Variants in NOTCH2 observed in about 807,000 individuals in gnomAD.
NOTCH2 encodes neurogenic locus notch homolog protein 2.
A neutral mutation model predicts 235.8 loss-of-function variants in NOTCH2; 29 were observed. The ratio of observed to expected loss-of-function variants is 0.12; its 90% CI spans 0.09 to 0.17. The LOEUF (loss-of-function observed/expected upper bound fraction) is 0.17. NOTCH2 is among the 10% of genes least tolerant of loss of function. NOTCH2 has a pLI of 1.00. For synonymous variants in NOTCH2, 1,086 were observed against 1,141.5 expected (o/e 0.95, Z 0.98); for missense variants, 2,285 against 3,150.2 (o/e 0.73, Z 6.57).
intron 19 of NOTCH2, among the ~76,000 whole-genome samples, chr1:119,938,970 G>A (rs373728762): frequency 3.9e-5 from 6 of 152,120 alleles, no homozygotes; most frequent in African/African-American, 7.2e-5. Context: ...GTGAGCCACC[G>A]TGCCCGGCCC....
At chr1:119,919,723 T>G in intron 30 of NOTCH2, 110 bp from the exon 31 acceptor site, 1 of 1,012,388 alleles carries the variant, frequency 9.9e-7, no homozygotes, top group Non-Finnish European at 1.5e-6. Context: ...AAGAATTCCC[T>G]GTACTTCTTG....
Position 119,980,488 on chromosome 1 carries a change from T to G in NOTCH2, c.874+6472A>C, listed in dbSNP as rs587646213. Among the ~76,000 whole-genome samples, 6 of 152,340 alleles carry G rather than the reference T, an allele frequency of 3.9e-5. No homozygotes were observed. The East Asian group carries it at 1.2e-3, about 29-fold the overall frequency. ...CTTTTCAGTTGTGCAAAATCTTACA[T>G]AGTGATCTAAACCCATTTTGCCCCT... On this transcript the variant is annotated intron_variant, in intron 5 of 33. Transcript: ENST00000256646.
intron 3 of NOTCH2, among the ~76,000 whole-genome samples, chr1:120,004,521 CT>C (rs1553205990): frequency 7.0e-6 from 1 of 143,826 alleles, no homozygotes; most frequent in Non-Finnish European, 1.5e-5. Context: ...GTGAAATTCC[CT>C]AGGGAGAGCT....
intron 11 of NOTCH2, among the ~76,000 whole-genome samples, chr1:119,961,845 T>G (rs960240375): frequency 2.0e-5 from 3 of 152,094 alleles, no homozygotes; most frequent in Admixed American, 2.0e-4. Flanking sequence ...CACTCCCCTA[T>G]CCAAACACCA....
At chr1:119,931,101 T>TA (rs782359839) in intron 22 of NOTCH2, among the ~76,000 whole-genome samples, 10 of 138,298 alleles carry the variant, frequency 7.2e-5, no homozygotes, top group South Asian at 4.6e-4. Context: ...AGACTCTGTC[T>TA]TAAAAAAAAA....
At position 119,916,438 on chromosome 1, in the gene NOTCH2, T is replaced by C. The variant is rs895348606; in HGVS notation, c.6284A>G (p.Lys2095Arg). 6.2e-7 allele frequency: 1 copy of C among 1,613,954 alleles called. No homozygotes were observed. Among genetic ancestry groups the C allele is most frequent in the East Asian group, 2.2e-5 (1 of 44,868 alleles). The change falls in exon 34 of 34, where the codon AAG (lysine) becomes AGG (arginine). Residue 2095 changes from lysine to arginine, a missense_variant. Lys to Arg is a conservative substitution (Grantham distance 26). Coordinates refer to ENST00000256646, the MANE Select transcript of NOTCH2 (RefSeq NM_024408.4). ...CGPNRSFLSL[K>R]HTPMGKKSRR... ...AGACTTCTTGCCCATTGGGGTGTGC[T>C]TCAGGCTGAGGAAAGATCTGTTGGG...
chr1:119,947,517 T>C (rs1194921246), intron 17 of NOTCH2, among the ~76,000 whole-genome samples: 1 of 152,156 alleles, frequency 6.6e-6, no homozygotes, highest in African/African-American at 2.4e-5. Context: ...CAAGAGTTTG[T>C]GAGCATATGG....
chr1:119,916,427 T>A lies in NOTCH2; in HGVS notation c.6295A>T (p.Met2099Leu). The change falls in exon 34 of 34, where the codon ATG (methionine) becomes TTG (leucine). Residue 2099 changes from methionine to leucine, a missense_variant. Coordinates refer to ENST00000256646, the MANE Select transcript of NOTCH2 (RefSeq NM_024408.4). ...CTGGGCCGTCTAGACTTCTTGCCCA[T>A]TGGGGTGTGCTTCAGGCTGAGGAAA... ...RSFLSLKHTP[M>L]GKKSRRPSAK... 1 of 1,614,056 alleles carries A rather than the reference T, an allele frequency of 6.2e-7. No homozygotes were observed. Among genetic ancestry groups the A allele is most frequent in the Middle Eastern group, 1.6e-4 (1 of 6,062 alleles).
rs587771323 is a variant in NOTCH2, at chr1:119,998,652, A to G, written c.416-1320T>C. Among the ~76,000 whole-genome samples the G allele has an allele frequency of 1.1e-4, 16 of 152,204 alleles. No individual in the cohort carries two copies. The South Asian group carries it at 1.5e-3, about 14-fold the overall frequency. ...TTGTCATTAGTCTAAGTCACTTATT[A>G]TTTAAACTACAGAGATGAGAACTCC... On this transcript the variant is annotated intron_variant, in intron 3 of 33. Coordinates refer to ENST00000256646, the MANE Select transcript of NOTCH2 (RefSeq NM_024408.4).
In NOTCH2 at chr1:119,915,373, C is replaced by A. The variant is rs756211019; in HGVS notation, c.7349G>T (p.Gly2450Val). ...TTSPTPGGAG[G>V]GQRGPGTHMS... ...GTGTGTCCCAGGTCCCCGCTGACCTCCTCCAGCACCCCCAGGGGTAGGGCT... is the reference window on the plus strand; with the variant it reads ...GTGTGTCCCAGGTCCCCGCTGACCTACTCCAGCACCCCCAGGGGTAGGGCT... Residue 2450 changes from glycine to valine, a missense_variant, in exon 34 of 34, where the codon GGA (glycine) becomes GTA (valine). By Grantham distance (109) the Gly-to-Val change is moderately radical. Coordinates refer to ENST00000256646, the MANE Select transcript of NOTCH2 (RefSeq NM_024408.4). The A allele has an allele frequency of 6.2e-7, 1 of 1,614,212 alleles. No homozygotes were observed. The highest frequency in any genetic ancestry group is 8.5e-7 in the Non-Finnish European group (1 of 1,180,042).
rs1649000830 is a variant in NOTCH2 at position 119,914,611 on chromosome 1, G to C, written c.*695C>G. ...CTCTCCAGGAATGATATATGCAGGA[G>C]AACACAATACAGTATGTCCATTTTC... On this transcript the variant is annotated 3_prime_UTR_variant, in exon 34 of 34. Transcript: ENST00000256646. 4 of 236,140 alleles carry C rather than the reference G, an allele frequency of 1.7e-5. No homozygotes were observed. The highest frequency in any genetic ancestry group is 3.3e-5 in the Non-Finnish European group (4 of 119,890). The allele number at this position is 236,140 out of a possible 1,614,324, so 14.6% of individuals were successfully genotyped here.
At chr1:119,940,010 T>C (rs1224970330) in intron 19 of NOTCH2, among the ~76,000 whole-genome samples, 5 of 152,238 alleles carry the variant, frequency 3.3e-5, no homozygotes, top group Non-Finnish European at 5.9e-5. Context: ...CCTCTGGGGC[T>C]GTTTCGCCTT....
chr1:119,952,423 T>C (rs970234185), intron 14 of NOTCH2, among the ~76,000 whole-genome samples: 1 of 152,206 alleles, frequency 6.6e-6, no homozygotes, highest in Non-Finnish European at 1.5e-5. Flanking sequence ...CTTACTATAA[T>C]GTAGAATTGG....
chr1:120,048,113 T>TA (rs1361577382), intron 1 of NOTCH2, among the ~76,000 whole-genome samples: 1 of 149,526 alleles, frequency 6.7e-6, no homozygotes, highest in Non-Finnish European at 1.5e-5. Flanking sequence ...AATCTGTTTT[T>TA]AAAAAGTGAT....
rs1430755357 is a variant in NOTCH2, at chr1:119,920,250, C to T, written c.5458G>A (p.Asp1820Asn). 5.0e-6 allele frequency: 8 copies of T among 1,614,168 alleles called. No individual in the cohort carries two copies. In the South Asian group the frequency reaches 8.8e-5, roughly 18 times the overall value. The part of the protein sequence containing the change: ...PQAEQEVDVL[D>N]VNVRGPDGCT... ...TGACCTGGGCCACGGACATTCACAT[C>T]TAACACATCCACCTCCTGCTCTGCC... Residue 1820 changes from aspartate to asparagine, a missense_variant, in exon 30 of 34, where the codon GAT (aspartate) becomes AAT (asparagine). Coordinates refer to ENST00000256646, the MANE Select transcript of NOTCH2 (RefSeq NM_024408.4).
At position 119,918,385 on chromosome 1, in the gene NOTCH2, A is replaced by T. The variant is rs972375615; in HGVS notation, c.5929+21T>A. The T allele has an allele frequency of 1.4e-5, 22 of 1,613,516 alleles. No homozygotes were observed. In the Middle Eastern group the frequency reaches 8.5e-4, roughly 63 times the overall value. On this transcript the variant is annotated intron_variant, in intron 32 of 33. Coordinates refer to ENST00000256646, the MANE Select transcript of NOTCH2 (RefSeq NM_024408.4). ...GCATGCTTTGCAGGTAAGAATCCAA[A>T]TCCCTGCCTTTCATCCCTACCATGG...
chr1:119,970,857 A>G (rs587759193), intron 5 of NOTCH2, among the ~76,000 whole-genome samples: 1 of 152,368 alleles, frequency 6.6e-6, no homozygotes, highest in South Asian at 2.1e-4. Flanking sequence ...TGTTGAAAAT[A>G]AAAATATGTC....
chr1:119,999,142 A>G (rs1344501858), intron 3 of NOTCH2, among the ~76,000 whole-genome samples: 8 of 146,582 alleles, frequency 5.5e-5, no homozygotes, highest in Non-Finnish European at 1.2e-4. Context: ...TAGTGCCGCA[A>G]TAAACATACG....
intron 22 of NOTCH2, among the ~76,000 whole-genome samples, chr1:119,932,519 G>C (rs587704213): frequency 6.6e-6 from 1 of 152,056 alleles, no homozygotes; most frequent in East Asian, 1.9e-4. Context: ...CCCAGGAGGC[G>C]GAGGTTGCGG....
Sources: gnomAD v4.1 joint callset for allele counts (sites outside exome capture counted in the v4.1 genomes callset) on GRCh38, gnomAD v4.1.1 for gene constraint, MANE v1.5 for transcripts, NCBI Gene and HGNC (gene_info 2026-07-23, HGNC 2026-07-21) for gene names.